PTGFR: variants seen among roughly 807,000 people sequenced by gnomAD.
PTGFR encodes prostaglandin F2-alpha receptor.
Under a neutral mutation model 26.2 loss-of-function variants are expected in PTGFR, and 15 were observed. That is an observed-to-expected ratio of 0.57 (90% CI 0.38 to 0.88). PTGFR has a LOEUF of 0.88. PTGFR is among the 40% of genes least tolerant of loss of function. PTGFR has a pLI of 0.00. For missense variants in PTGFR, 369 were observed against 427.2 expected, an observed-to-expected ratio of 0.86 and a Z score of 1.20; for synonymous variants, 165 against 151.1, an observed-to-expected ratio of 1.09 and a Z score of -0.68.
chr1:78,506,936 G>A (rs1018515223), intron 2 of PTGFR, among the ~76,000 whole-genome samples: 1 of 152,132 alleles, frequency 6.6e-6, no homozygotes, highest in African/African-American at 2.4e-5. Context: ...TCTGAAGAGT[G>A]TTAATATTTC....
rs1302137902 is a variant in PTGFR, at chr1:78,538,569, G to T, written c.*1882G>T. The T allele has an allele frequency of 6.6e-6, 1 of 150,858 alleles. No homozygotes were observed. The highest frequency in any genetic ancestry group is 2.4e-5 in the African/African-American group (1 of 41,068). 9.3% of individuals were successfully genotyped at this position (150,858 alleles called of 1,614,324 possible). On this transcript the variant is annotated 3_prime_UTR_variant, in exon 3 of 3. Coordinates refer to ENST00000370757, the MANE Select transcript of PTGFR (RefSeq NM_000959.4). The stretch of plus-strand genomic sequence containing the variant: ...AAGGAATGTGTTTTCATTGTTTTAA[G>T]TTTTTCTTCTGAGTAAAACAAAATT...
At chr1:78,505,584 A>G (rs907438571) in intron 2 of PTGFR, among the ~76,000 whole-genome samples, 2 of 152,190 alleles carry the variant, frequency 1.3e-5, no homozygotes, top group African/African-American at 2.4e-5. Context: ...TTTAAAGTGT[A>G]CAATTCCTGA....
chr1:78,492,722 G>A lies in PTGFR; in HGVS notation c.-22G>A. On this transcript the variant is annotated 5_prime_UTR_variant, in exon 2 of 3. Coordinates refer to ENST00000370757, the MANE Select transcript of PTGFR (RefSeq NM_000959.4). ...TTTTGAGAGGGAGATGACTTGAGTG[G>A]TTGGCTTTTATCTCCACAACAATGT... 1 of 1,588,362 alleles carries A rather than the reference G, an allele frequency of 6.3e-7. No homozygotes were observed. The highest frequency in any genetic ancestry group is 1.2e-5 in the South Asian group (1 of 85,762).
chr1:78,513,065 C>T (rs1570282445), intron 2 of PTGFR, among the ~76,000 whole-genome samples: 2 of 152,314 alleles, frequency 1.3e-5, no homozygotes, highest in Non-Finnish European at 2.9e-5. Context: ...TTCCCAGGCT[C>T]AGCTATTTTT....
intron 2 of PTGFR, among the ~76,000 whole-genome samples, chr1:78,523,691 A>G (rs114168789): frequency 6.6e-6 from 1 of 152,290 alleles, no homozygotes; most frequent in African/African-American, 2.4e-5. Flanking sequence ...TTTTTAAATA[A>G]TATTTTAAAC....
rs754839078 is a variant in PTGFR, at chr1:78,493,323, A to G, written c.580A>G (p.Lys194Glu). 1.2e-6 allele frequency: 2 copies of G among 1,614,210 alleles called. No homozygotes were observed. Among genetic ancestry groups the G allele is most frequent in the East Asian group, 4.5e-5 (2 of 44,886 alleles). ...GTGTTTCTACAACACAGAAGACATC[A>G]AAGACTGGGAAGATAGATTTTATCT... Reference protein sequence around the residue: ...TWCFYNTEDIKDWEDRFYLLL... With the variant: ...TWCFYNTEDIEDWEDRFYLLL... The change falls in exon 2 of 3, where the codon AAA becomes GAA. Residue 194 changes from lysine to glutamate, a missense_variant. Physicochemically the swap from Lys to Glu is moderately conservative, Grantham distance 56. Transcript: ENST00000370757.
chr1:78,495,615 A>T (rs1000016320), intron 2 of PTGFR, among the ~76,000 whole-genome samples: 2 of 152,338 alleles, frequency 1.3e-5, no homozygotes, highest in East Asian at 3.9e-4. Flanking sequence ...CGGACAACTG[A>T]GGTAATCACT....
intron 2 of PTGFR, among the ~76,000 whole-genome samples, chr1:78,523,807 T>A (rs1157950525): frequency 6.6e-6 from 1 of 152,064 alleles, no homozygotes; most frequent in Non-Finnish European, 1.5e-5. Context: ...TTAGTTGGGG[T>A]CTGTCTGCAT....
chr1:78,509,252 G>C (rs918149427), intron 2 of PTGFR, among the ~76,000 whole-genome samples: 3 of 152,126 alleles, frequency 2.0e-5, no homozygotes, highest in African/African-American at 7.2e-5. Flanking sequence ...CTAGTGCCAG[G>C]AATATGATGC....
chr1:78,516,417 G>A (rs1650091557), intron 2 of PTGFR, among the ~76,000 whole-genome samples: 1 of 152,126 alleles, frequency 6.6e-6, no homozygotes, highest in African/African-American at 2.4e-5. Flanking sequence ...AAAACACAAA[G>A]ACATGAAGAT....
chr1:78,529,895 C>T (rs1650463187), intron 2 of PTGFR, among the ~76,000 whole-genome samples: 1 of 152,040 alleles, frequency 6.6e-6, no homozygotes, highest in Non-Finnish European at 1.5e-5. Flanking sequence ...ACTGTGAACA[C>T]ATGGGAGGGA....
chr1:78,528,447 G>A (rs764543905), intron 2 of PTGFR, among the ~76,000 whole-genome samples: 27 of 151,676 alleles, frequency 1.8e-4, no homozygotes, highest in African/African-American at 5.6e-4. Context: ...TTTTTGTCCC[G>A]ACCAGAAGTA....
intron 2 of PTGFR, among the ~76,000 whole-genome samples, chr1:78,532,962 G>T (rs1473603934): frequency 2.0e-5 from 3 of 152,140 alleles, no homozygotes; most frequent in Non-Finnish European, 4.4e-5. Context: ...TAAGGCTAAT[G>T]TAGTCCTGGA....
chr1:78,506,576 G>T (rs1451729174), intron 2 of PTGFR, among the ~76,000 whole-genome samples: 4 of 151,644 alleles, frequency 2.6e-5, no homozygotes, highest in African/African-American at 9.7e-5. Flanking sequence ...CCTAGTGATT[G>T]GTTTGTTTGA....
chr1:78,502,431 A>G (rs1199180569), intron 2 of PTGFR, among the ~76,000 whole-genome samples: 1 of 152,160 alleles, frequency 6.6e-6, no homozygotes, highest in African/African-American at 2.4e-5. Context: ...AAGCAAAATA[A>G]AGTAAGTAAA....
chr1:78,532,563 C>A (rs1223430182), intron 2 of PTGFR, among the ~76,000 whole-genome samples: 3 of 149,180 alleles, frequency 2.0e-5, no homozygotes, highest in Non-Finnish European at 4.4e-5. Context: ...TACATACACA[C>A]ATATACCTTT....
intron 2 of PTGFR, among the ~76,000 whole-genome samples, chr1:78,520,524 T>G (rs896122393): frequency 6.6e-6 from 1 of 152,082 alleles, no homozygotes; most frequent in Non-Finnish European, 1.5e-5. Context: ...AATAAAGAAA[T>G]TTCCGGAGCT....
At chr1:78,524,245 A>C (rs571031819) in intron 2 of PTGFR, among the ~76,000 whole-genome samples, 11 of 152,198 alleles carry the variant, frequency 7.2e-5, no homozygotes, top group Non-Finnish European at 1.6e-4. Context: ...AACTGCACAC[A>C]CATAGGGCTT....
At chr1:78,516,166 G>A (rs1650086888) in intron 2 of PTGFR, among the ~76,000 whole-genome samples, 1 of 152,190 alleles carries the variant, frequency 6.6e-6, no homozygotes, top group South Asian at 2.1e-4. Flanking sequence ...AAGATTCTAA[G>A]TGCTTTACAG....
Sources: gnomAD v4.1 joint callset for allele counts (sites outside exome capture counted in the v4.1 genomes callset) on GRCh38, gnomAD v4.1.1 for gene constraint, MANE v1.5 for transcripts, NCBI Gene and HGNC (gene_info 2026-07-23, HGNC 2026-07-21) for gene names.